SUN1: variants seen among roughly 807,000 people sequenced by gnomAD.
The protein encoded by SUN1 is Sad1 and UNC84 domain containing 1.
In SUN1, 61 loss-of-function variants were observed where a neutral mutation model predicts 103.2. The ratio of observed to expected loss-of-function variants is 0.59; its 90% CI spans 0.48 to 0.73. The LOEUF (loss-of-function observed/expected upper bound fraction) is 0.73, where lower values mean the gene tolerates loss of function less well. Among genes scored for constraint, SUN1 ranks in the 30% least tolerant of loss-of-function variants. The probability of loss-of-function intolerance (pLI) is 0.00; values close to 1 mark genes in which losing one functional copy is unlikely to be tolerated. For synonymous variants in SUN1, 490 were observed against 425.7 expected, an observed-to-expected ratio of 1.15 and a Z score of -1.86; for missense variants, 1,052 against 1,034.6, an observed-to-expected ratio of 1.02 and a Z score of -0.23.
intron 1 of SUN1, among the ~76,000 whole-genome samples, chr7:834,699 T>C (rs1349087997): frequency 6.6e-6 from 1 of 152,182 alleles, no homozygotes; most frequent in Non-Finnish European, 1.5e-5. Flanking sequence ...TCACTACCCT[T>C]GTCTTGATTC....
rs1812144489 is a variant in SUN1, at chr7:843,442, C to T, written c.580C>T (p.Arg194Cys). ...SCSNCSMLSE[R>C]KDVLTAHPAA... ...CAGCAACTGCAGCATGCTGTCCGAG[C>T]GCAAGGACGTGCTCACGGCGCACCC... is the stretch of plus-strand genomic sequence containing the variant. The change falls in exon 5 of 19, where the codon CGC becomes TGC. Residue 194 changes from arginine (R) to cysteine (C), a missense_variant. Transcript: ENST00000401592. The T allele has an allele frequency of 5.6e-6, 9 of 1,614,156 alleles. No individual in the cohort carries two copies. The highest frequency in any genetic ancestry group is 7.6e-6 in the Non-Finnish European group (9 of 1,180,030).
At position 852,587 on chromosome 7, in the gene SUN1, A is replaced by C. The variant is rs1554263480; in HGVS notation, c.852-22A>C. Reference sequence around the variant, plus strand: ...CTGACTTTCATTTTTTCTAAGTCAAAGGTTTTCATTGTTACTCCCAGGTGC... The same window carrying C: ...CTGACTTTCATTTTTTCTAAGTCAACGGTTTTCATTGTTACTCCCAGGTGC... On this transcript the variant is annotated intron_variant, in intron 7 of 18. Coordinates refer to ENST00000401592, the MANE Select transcript of SUN1 (RefSeq NM_001130965.3). The C allele has an allele frequency of 1.4e-5, 23 of 1,613,974 alleles. No homozygotes were observed. In the South Asian group the frequency reaches 2.5e-4, roughly 18 times the overall value.
At chr7:854,315 G>A (rs73045423) in intron 10 of SUN1, among the ~76,000 whole-genome samples, 23,612 of 152,202 alleles carry the variant, frequency 0.16, 2,010 homozygotes, top group African/African-American at 0.18. Context: ...AGCGTCAAAC[G>A]CTCAGCCCCC....
At chr7:832,232 C>T, upstream of SUN1, 1 of 641,656 alleles carries the variant, frequency 1.6e-6, no homozygotes, top group Non-Finnish European at 2.3e-6. Flanking sequence ...GAAGGTGCCC[C>T]TGGTTTCACG....
intron 13 of SUN1, among the ~76,000 whole-genome samples, chr7:859,727 A>G (rs1436752109): frequency 2.6e-5 from 4 of 152,360 alleles, no homozygotes; most frequent in African/African-American, 7.2e-5. Context: ...ACATAAAGCT[A>G]TAATTTAGGT....
At chr7:859,302 A>G (rs1267690382) in intron 13 of SUN1, among the ~76,000 whole-genome samples, 1 of 152,240 alleles carries the variant, frequency 6.6e-6, no homozygotes, top group Non-Finnish European at 1.5e-5. Flanking sequence ...TGGCTGAGGC[A>G]GTGGGCTTTT....
chr7:869,140 C>A (rs1408617036), intron 16 of SUN1: 354 of 550,722 alleles, frequency 6.4e-4, no homozygotes, highest in East Asian at 1.2e-3. Context: ...GTCGTTTTAA[C>A]TTTTATACAA....
rs372424923 is a variant in SUN1, at chr7:842,114, A to G, written c.435A>G (p.Thr145=). The G allele has an allele frequency of 5.1e-5, 82 of 1,613,878 alleles. No individual in the cohort carries two copies. Among genetic ancestry groups the G allele is most frequent in the Non-Finnish European group, 6.5e-5 (77 of 1,179,836 alleles). ...LDESWIREQT[T]VDHFWGLDDD... is the part of the protein sequence containing the mutation. ...AGTCTTGGATTCGTGAACAGACCACAGTGGACCACTTCTGGGGTGAGTCCC... is the reference window on the plus strand; with the variant it reads ...AGTCTTGGATTCGTGAACAGACCACGGTGGACCACTTCTGGGGTGAGTCCC... The change falls in exon 3 of 19, where the codon ACA becomes ACG. Residue 145 remains threonine (T), a synonymous_variant. Transcript: ENST00000401592.
intron 11 of SUN1, among the ~76,000 whole-genome samples, chr7:855,763 G>A (rs535189146): frequency 7.2e-5 from 11 of 152,222 alleles, no homozygotes; most frequent in Admixed American, 4.6e-4. Flanking sequence ...TCCTGTGTCC[G>A]CCTGAGAAGG....
intron 13 of SUN1, among the ~76,000 whole-genome samples, chr7:858,714 G>C (rs1323416612): frequency 6.6e-6 from 1 of 152,222 alleles, no homozygotes; most frequent in Non-Finnish European, 1.5e-5. Flanking sequence ...AGCTGCTTAA[G>C]AATGAAAACA....
chr7:849,783 C>T lies in SUN1; in HGVS notation c.659-1601C>T, dbSNP rs192695836. 44 of 1,114,900 alleles carry T rather than the reference C, an allele frequency of 3.9e-5. No homozygotes were observed. In the African/African-American group the frequency reaches 5.1e-4, roughly 13 times the overall value. The allele number at this position is 1,114,900 out of a possible 1,614,324, so 69.1% of individuals were successfully genotyped here. ...TCACAGAAGCTCATAGCCACCAGAT[C>T]GCATTTGCTTTGATTGTTGACTGTC... On this transcript the variant is annotated intron_variant, in intron 5 of 18. Transcript: ENST00000401592.
At chr7:847,301 G>T (rs1325988325) in intron 5 of SUN1, among the ~76,000 whole-genome samples, 1 of 150,510 alleles carries the variant, frequency 6.6e-6, no homozygotes, top group Non-Finnish European at 1.5e-5. Context: ...ATCCCCTGGG[G>T]GTTACTCCGC....
chr7:852,060 C>G lies in SUN1; in HGVS notation c.851+17C>G, dbSNP rs1822708287. 6.2e-7 allele frequency: 1 copy of G among 1,611,834 alleles called. No individual in the cohort carries two copies. The highest frequency in any genetic ancestry group is 8.5e-7 in the Non-Finnish European group (1 of 1,178,104). On this transcript the variant is annotated intron_variant, in intron 7 of 18. Transcript: ENST00000401592. ...TCTTACCAGGTAAGGAAATGGATAT[C>G]ATGTCAGCGTGGTGCTTTAAGGAAC... is the stretch of plus-strand genomic sequence containing the variant.
At position 860,563 on chromosome 7, in the gene SUN1, G is replaced by T. The variant is rs563400399; in HGVS notation, c.1779+181G>T. Among the ~76,000 whole-genome samples the T allele has an allele frequency of 2.6e-5, 4 of 152,372 alleles. No individual in the cohort carries two copies. The South Asian group carries it at 8.3e-4, about 32-fold the overall frequency. On this transcript the variant is annotated intron_variant, in intron 14 of 18. Coordinates refer to ENST00000401592, the MANE Select transcript of SUN1 (RefSeq NM_001130965.3). ...AGTGCCGTGTGTGGAGGGGGCACCTGTGCGGTGAGCTTCAGCTCTTGCTGT... is the reference window on the plus strand; with the variant it reads ...AGTGCCGTGTGTGGAGGGGGCACCTTTGCGGTGAGCTTCAGCTCTTGCTGT...
At chr7:872,390 C>A in intron 17 of SUN1, 80 bp from the exon 18 acceptor site, 1 of 1,178,210 alleles carries the variant, frequency 8.5e-7, no homozygotes, top group Non-Finnish European at 1.2e-6. Context: ...TTGCTTAGTG[C>A]TGGCTGTGGA....
At chr7:838,293 T>C (rs1462463887) in intron 1 of SUN1, among the ~76,000 whole-genome samples, 1 of 152,236 alleles carries the variant, frequency 6.6e-6, no homozygotes, top group African/African-American at 2.4e-5. Context: ...GGTCACAGGC[T>C]CAAAGCAGTT....
chr7:859,893 T>C (rs1392040087), intron 13 of SUN1, among the ~76,000 whole-genome samples: 4 of 152,142 alleles, frequency 2.6e-5, no homozygotes, highest in African/African-American at 7.2e-5. Flanking sequence ...GTCCTTCAGC[T>C]CCTAGGATGT....
intron 5 of SUN1, chr7:848,596 A>T: frequency 7.5e-7 from 1 of 1,340,748 alleles, no homozygotes; most frequent in Non-Finnish European, 9.9e-7. Flanking sequence ...GCTATAAGTC[A>T]AAAAGCCATG....
intron 5 of SUN1, among the ~76,000 whole-genome samples, chr7:845,808 G>C (rs1293881942): frequency 6.6e-6 from 1 of 152,010 alleles, no homozygotes; most frequent in African/African-American, 2.4e-5. Flanking sequence ...ATAGTTGAGT[G>C]GGAATTCTTA....
Sources: allele counts gnomAD v4.1 joint callset (sites outside exome capture counted in the v4.1 genomes callset), GRCh38; gene constraint gnomAD v4.1.1; transcripts MANE v1.5; gene names NCBI Gene and HGNC (gene_info 2026-07-23, HGNC 2026-07-21).